The following AFG2A variants were observed in gnomAD, a reference collection of about 807,000 sequenced individuals.
AFG2A encodes the protein AAA ATPase AFG2A, also known as ATPase family gene 2 protein homolog A.
chr4:122,927,671 T>A, the AFG2A span: 1 of 1,612,388 alleles, frequency 6.2e-7, no homozygotes, highest in Non-Finnish European at 8.5e-7. Context: ...AGAATTCCCT[T>A]ATTCATCTTG....
At chr4:123,207,768 G>A in the AFG2A span, among the ~76,000 whole-genome samples, 1 of 152,268 alleles carries the variant, frequency 6.6e-6, no homozygotes, top group East Asian at 1.9e-4. Context: ...AAACATTTCA[G>A]AAAGAAATTA....
At chr4:123,079,989 TC>T in the AFG2A span, among the ~76,000 whole-genome samples, 1 of 152,082 alleles carries the variant, frequency 6.6e-6, no homozygotes, top group Admixed American at 6.6e-5. Context: ...GACTTCGTGA[TC>T]CATGCGCCTT....
At chr4:123,013,630 C>T in the AFG2A span, among the ~76,000 whole-genome samples, 1 of 152,014 alleles carries the variant, frequency 6.6e-6, no homozygotes, top group African/African-American at 2.4e-5. Context: ...AGCATTAGGA[C>T]AAATACCTAA....
the AFG2A span, among the ~76,000 whole-genome samples, chr4:123,077,863 GCAGC>G: frequency 6.6e-6 from 1 of 152,140 alleles, no homozygotes; most frequent in Non-Finnish European, 1.5e-5. Flanking sequence ...ACAATATTAT[GCAGC>G]CATCACCACT....
chr4:123,313,433 A>G, the AFG2A span, among the ~76,000 whole-genome samples: 3 of 152,248 alleles, frequency 2.0e-5, no homozygotes, highest in East Asian at 1.9e-4. Context: ...ACTCTGTGCT[A>G]TGACACGGTG....
At chr4:123,003,475 G>A in the AFG2A span, among the ~76,000 whole-genome samples, 1 of 152,132 alleles carries the variant, frequency 6.6e-6, no homozygotes, top group African/African-American at 2.4e-5. Context: ...ATGTACAGGT[G>A]GGTTTTTGGT....
At chr4:122,997,838 A>G in the AFG2A span, among the ~76,000 whole-genome samples, 1 of 152,092 alleles carries the variant, frequency 6.6e-6, no homozygotes. Flanking sequence ...TAGCTATCCT[A>G]GTGGGTGTAA....
At chr4:123,143,339 G>A in the AFG2A span, among the ~76,000 whole-genome samples, 1 of 151,876 alleles carries the variant, frequency 6.6e-6, no homozygotes, top group Admixed American at 6.6e-5. Context: ...TTCAGCAGTC[G>A]TCGCTATTAC....
chr4:123,291,427 T>C, the AFG2A span, among the ~76,000 whole-genome samples: 1 of 152,238 alleles, frequency 6.6e-6, no homozygotes, highest in Non-Finnish European at 1.5e-5. Flanking sequence ...CTGAGTTTTA[T>C]GCTTTCAAAT....
the AFG2A span, among the ~76,000 whole-genome samples, chr4:122,969,221 C>T: frequency 6.6e-6 from 1 of 151,884 alleles, no homozygotes; most frequent in Non-Finnish European, 1.5e-5. Flanking sequence ...GTCAAATCTA[C>T]TGTTAGGTAT....
At chr4:123,121,756 A>C in the AFG2A span, among the ~76,000 whole-genome samples, 1 of 152,214 alleles carries the variant, frequency 6.6e-6, no homozygotes, top group South Asian at 2.1e-4. Context: ...TTCTCAGAAC[A>C]TATCCCCATT....
chr4:123,020,383 T>C, the AFG2A span, among the ~76,000 whole-genome samples: 4 of 151,848 alleles, frequency 2.6e-5, no homozygotes, highest in Admixed American at 1.3e-4. Context: ...TTTTTTTTTT[T>C]CTGAGACGGA....
At chr4:123,177,889 T>C in the AFG2A span, among the ~76,000 whole-genome samples, 2 of 152,204 alleles carry the variant, frequency 1.3e-5, no homozygotes, top group African/African-American at 4.8e-5. Context: ...TCCTTGTGTC[T>C]TACTGTTCTC....
At chr4:123,036,420 T>C in the AFG2A span, among the ~76,000 whole-genome samples, 62 of 152,254 alleles carry the variant, frequency 4.1e-4, no homozygotes, top group African/African-American at 1.4e-3. Context: ...TGAAAAGCCT[T>C]TGGGACAAAA....
At chr4:123,041,172 G>A in the AFG2A span, among the ~76,000 whole-genome samples, 12 of 151,400 alleles carry the variant, frequency 7.9e-5, no homozygotes, top group Non-Finnish European at 1.5e-4. Flanking sequence ...GTGCAGTGGT[G>A]CAATCTCAGC....
At chr4:123,122,186 G>A in the AFG2A span, among the ~76,000 whole-genome samples, 2 of 152,152 alleles carry the variant, frequency 1.3e-5, no homozygotes, top group Admixed American at 6.5e-5. Context: ...ATGAGAAAGA[G>A]ATAGATTTGT....
chr4:122,949,064 G>A, the AFG2A span, among the ~76,000 whole-genome samples: 71 of 152,236 alleles, frequency 4.7e-4, no homozygotes, highest in Admixed American at 3.8e-3. Flanking sequence ...CTTAGATTCT[G>A]TAGTGGAAAT....
chr4:123,067,258 C>G, the AFG2A span, among the ~76,000 whole-genome samples: 1 of 152,002 alleles, frequency 6.6e-6, no homozygotes, highest in Non-Finnish European at 1.5e-5. Flanking sequence ...GTGACTCACA[C>G]CTGTAATCCC....
the AFG2A span, among the ~76,000 whole-genome samples, chr4:123,099,015 C>A: frequency 2.6e-5 from 4 of 151,950 alleles, no homozygotes; most frequent in African/African-American, 9.7e-5. Context: ...TCCACATCCT[C>A]ACCAACATTT....
Sources: gnomAD v4.1 joint callset for allele counts (sites outside exome capture counted in the v4.1 genomes callset) on GRCh38, gnomAD v4.1.1 for gene constraint, MANE v1.5 for transcripts, NCBI Gene and HGNC (gene_info 2026-07-23, HGNC 2026-07-21) for gene names.